DMD: variants seen among roughly 807,000 people sequenced by gnomAD.
DMD encodes mutant dystrophin.
In DMD, 63 loss-of-function variants were observed where a neutral mutation model predicts 330.1. That is an observed-to-expected ratio of 0.19 (90% CI 0.16 to 0.24). The LOEUF is 0.24. DMD is among the 10% of genes least tolerant of loss of function. The pLI, the probability that DMD is intolerant of heterozygous loss-of-function variation, is 1.00. For missense variants in DMD, 3,344 were observed against 2,684.1 expected, an observed-to-expected ratio of 1.25 and a Z score of -5.43; for synonymous variants, 1,223 against 959.8, an observed-to-expected ratio of 1.27 and a Z score of -5.07.
intron 7 of DMD, among the ~76,000 whole-genome samples, chrX:32,744,331 C>G (rs1402875437): frequency 9.0e-6 from 1 of 110,708 alleles, no homozygotes; most frequent in African/African-American, 3.3e-5. Flanking sequence ...AATTATTCCT[C>G]TCATGATCAA....
At chrX:33,011,149 G>A (rs1040694526) in intron 2 of DMD, among the ~76,000 whole-genome samples, 2 of 111,556 alleles carry the variant, frequency 1.8e-5, no homozygotes, top group African/African-American at 6.5e-5. Context: ...AAGCATTAGT[G>A]GTGGTGGGGC....
rs1379997016 is a variant in DMD, at chrX:32,434,123, G to A, written c.4071+4118C>T. Among the ~76,000 whole-genome samples the A allele has an allele frequency of 2.7e-5, 3 of 112,470 alleles. No homozygotes were observed. In the Admixed American group the frequency reaches 2.8e-4, roughly 11 times the overall value. On this transcript the variant is annotated intron_variant, in intron 29 of 78. Transcript: ENST00000357033. ...ATTCATAGGCAATAAAAGTCTGGCT[G>A]TTTGACTGATTTAACAGGCAATTGA... is the stretch of plus-strand genomic sequence containing the variant.
chrX:32,693,755 T>A (rs2147513291), intron 9 of DMD, among the ~76,000 whole-genome samples: 1 of 111,998 alleles, frequency 8.9e-6, no homozygotes, highest in South Asian at 3.7e-4. Context: ...TGTAGTTTGT[T>A]TTTTTAAGTG....
intron 50 of DMD, among the ~76,000 whole-genome samples, chrX:31,777,755 C>T (rs750873532): frequency 1.8e-5 from 2 of 111,975 alleles, no homozygotes; most frequent in Non-Finnish European, 3.8e-5. Context: ...AATTGTGTTA[C>T]GGATTTTATG....
intron 46 of DMD, among the ~76,000 whole-genome samples, chrX:31,931,492 C>G (rs773929242): frequency 1.8e-5 from 2 of 110,368 alleles, no homozygotes; most frequent in South Asian, 7.7e-4. Flanking sequence ...CGTCCCACAC[C>G]CCCAGACAAA....
At chrX:31,649,269 A>G (rs116298151) in intron 54 of DMD, among the ~76,000 whole-genome samples, 292 of 111,663 alleles carry the variant, frequency 2.6e-3, no homozygotes, top group African/African-American at 9.4e-3. Context: ...CTAAGCATAT[A>G]TTTTGGTGCG....
chrX:32,523,559 T>C (rs186763566), intron 17 of DMD, among the ~76,000 whole-genome samples: 59 of 112,402 alleles, frequency 5.2e-4, no homozygotes, highest in Admixed American at 4.7e-3. Flanking sequence ...TGGTTGTCCC[T>C]AGTCTATTAC....
chrX:32,432,129 T>C (rs924452430), intron 29 of DMD, among the ~76,000 whole-genome samples: 3 of 111,892 alleles, frequency 2.7e-5, no homozygotes, highest in African/African-American at 9.7e-5. Flanking sequence ...ATTATAATTA[T>C]TCTATTACTT....
At chrX:31,412,940 C>G (rs1472926635) in intron 60 of DMD, among the ~76,000 whole-genome samples, 1 of 111,309 alleles carries the variant, frequency 9.0e-6, no homozygotes, top group Non-Finnish European at 1.9e-5. Flanking sequence ...TGTCCTTTAC[C>G]CACCCTCCCC....
chrX:33,217,652 C>T (rs965229080), intron 1 of DMD, among the ~76,000 whole-genome samples: 1 of 111,605 alleles, frequency 9.0e-6, no homozygotes, highest in East Asian at 2.8e-4. Flanking sequence ...ATCTACCCAA[C>T]GAACAGATTC....
chrX:31,930,751 C>T (rs987012101), intron 46 of DMD, among the ~76,000 whole-genome samples: 1 of 111,690 alleles, frequency 9.0e-6, no homozygotes, highest in Admixed American at 9.6e-5. Context: ...TAGACTCATG[C>T]ATATTAATTA....
At chrX:32,362,479 T>A (rs2097840397) in intron 37 of DMD, among the ~76,000 whole-genome samples, 1 of 111,483 alleles carries the variant, frequency 9.0e-6, no homozygotes. Flanking sequence ...CTATTTGTTA[T>A]TTTTTTCTGT....
intron 60 of DMD, among the ~76,000 whole-genome samples, chrX:31,410,927 T>TTC (rs2061614446): frequency 1.0e-5 from 1 of 96,512 alleles, no homozygotes; most frequent in Admixed American, 1.1e-4. Flanking sequence ...GTGTGTTTTT[T>TTC]TTTTTTTTTT....
At chrX:31,597,450 G>A (rs1339084818) in intron 55 of DMD, among the ~76,000 whole-genome samples, 5 of 111,616 alleles carry the variant, frequency 4.5e-5, no homozygotes, top group Non-Finnish European at 9.4e-5. Context: ...TGCCCTGGAG[G>A]AGTTTATAAT....
chrX:32,195,326 GA>G (rs774479661), intron 44 of DMD, among the ~76,000 whole-genome samples: 1 of 111,181 alleles, frequency 9.0e-6, no homozygotes, highest in Non-Finnish European at 1.9e-5. Context: ...TTGGAATCAA[GA>G]GAAATATGGG....
intron 22 of DMD, among the ~76,000 whole-genome samples, chrX:32,470,225 C>A (rs749119144): frequency 9.0e-6 from 1 of 110,745 alleles, no homozygotes; most frequent in South Asian, 3.8e-4. Flanking sequence ...AGACTTTCTT[C>A]CTTACTCACA....
chrX:31,363,524 G>A (rs1332291309), intron 60 of DMD, among the ~76,000 whole-genome samples: 2 of 109,203 alleles, frequency 1.8e-5, no homozygotes, highest in Admixed American at 9.8e-5. Flanking sequence ...GGGACTACAG[G>A]CATGCACCAC....
rs146880270 is a variant in DMD at position 32,438,312 on chromosome X, C to T, written c.4000G>A (p.Gly1334Arg). 1.1e-5 allele frequency: 13 copies of T among 1,209,320 alleles called. No homozygotes were observed. The highest frequency in any genetic ancestry group is 1.0e-4 in the African/African-American group (6 of 57,174). The change falls in exon 29 of 79, where the codon GGA becomes AGA. Residue 1334 changes from glycine to arginine, a missense_variant. Gly to Arg is a moderately radical substitution (Grantham distance 125). Coordinates refer to ENST00000357033, the MANE Select transcript of DMD (RefSeq NM_004006.3). Reference sequence around the variant, plus strand: ...TCATTGATTAGCTCATCCATGACTCCGCCATCTGTTAGGGTCTGTGCCAAT... The same window carrying T: ...TCATTGATTAGCTCATCCATGACTCTGCCATCTGTTAGGGTCTGTGCCAAT... The part of the protein sequence containing the change: ...RILAQTLTDG[G>R]VMDELINEEL...
chrX:31,687,261 AC>A (rs1381356958), intron 52 of DMD, among the ~76,000 whole-genome samples: 2 of 109,309 alleles, frequency 1.8e-5, no homozygotes, highest in Non-Finnish European at 3.8e-5. Context: ...ATGGTGAAAG[AC>A]CCCTTCTGTT....
Sources: allele counts gnomAD v4.1 joint callset (sites outside exome capture counted in the v4.1 genomes callset), GRCh38; gene constraint gnomAD v4.1.1; transcripts MANE v1.5; gene names NCBI Gene and HGNC (gene_info 2026-07-23, HGNC 2026-07-21).